The following STIL variants were observed in gnomAD, a reference collection of about 807,000 sequenced individuals.
The protein encoded by STIL is STIL centriolar assembly protein.
A neutral mutation model predicts 110.1 loss-of-function variants in STIL; 55 were observed. The observed-to-expected ratio is 0.50, with a 90% CI of 0.40 to 0.63. The LOEUF (loss-of-function observed/expected upper bound fraction) is 0.63. Ranked by LOEUF, STIL falls within the 20% of genes least tolerant of loss-of-function variation. The probability of loss-of-function intolerance (pLI) is 0.00; values close to 1 mark genes in which losing one functional copy is unlikely to be tolerated. For synonymous variants in STIL, 481 were observed against 530.0 expected, an observed-to-expected ratio of 0.91 and a Z score of 1.27; for missense variants, 1,358 against 1,530.0, an observed-to-expected ratio of 0.89 and a Z score of 1.87.
Position 47,251,288 on chromosome 1 carries a change from T to C in STIL, c.3715A>G (p.Thr1239Ala), listed in dbSNP as rs1444302217. The change falls in exon 17 of 17, where the codon ACT becomes GCT. Residue 1239 changes from threonine to alanine, a missense_variant. Coordinates refer to ENST00000371877, the MANE Select transcript of STIL (RefSeq NM_001048166.1). The stretch of plus-strand genomic sequence containing the variant: ...TCATTTTCTTTCTCAGGATGTTGAG[T>C]GAACTCTGCTTTCCCGGTTCGAAGG... ...VNLRTGKAEFTQHPEKENEGD... is the reference protein window; with the variant it reads ...VNLRTGKAEFAQHPEKENEGD... 1 of 1,613,348 alleles carries C rather than the reference T, an allele frequency of 6.2e-7. No individual in the cohort carries two copies. The highest frequency in any genetic ancestry group is 8.5e-7 in the Non-Finnish European group (1 of 1,179,438).
intron 5 of STIL, 60 bp downstream of exon 5, chr1:47,301,501 A>C: frequency 6.9e-7 from 1 of 1,445,514 alleles, no homozygotes; most frequent in Non-Finnish European, 9.7e-7. Context: ...AAAATACAGC[A>C]TACTAAACAT....
At chr1:47,256,620 CAAA>C (rs35642855) in intron 16 of STIL, among the ~76,000 whole-genome samples, 1 of 86,052 alleles carries the variant, frequency 1.2e-5, no homozygotes. Flanking sequence ...GACTCCATCT[CAAA>C]AAAAAAAAAA....
chr1:47,258,256 A>C (rs1444622415), intron 16 of STIL, among the ~76,000 whole-genome samples: 1 of 152,218 alleles, frequency 6.6e-6, no homozygotes, highest in African/African-American at 2.4e-5. Flanking sequence ...ATTGGTAGGA[A>C]TATAAACTGG....
At position 47,260,474 on chromosome 1, in the gene STIL, T is replaced by A; in HGVS notation, c.2895A>T (p.Val965=). ...TTCTGGTGCATTCATGACTGATAAT[T>A]ACTGCTTTGGTAGACGGCTGCTCAG... ...KETEQPSTKA[V]IISHECTRTQ... is the part of the protein sequence containing the mutation. The change falls in exon 16 of 17, where the codon GTA becomes GTT. Residue 965 remains valine (V), a synonymous_variant. Coordinates refer to ENST00000371877, the MANE Select transcript of STIL (RefSeq NM_001048166.1). 6.2e-7 allele frequency: 1 copy of A among 1,614,182 alleles called. No homozygotes were observed. Among genetic ancestry groups the A allele is most frequent in the Non-Finnish European group, 8.5e-7 (1 of 1,180,018 alleles).
At chr1:47,263,194 G>T in intron 14 of STIL, 78 bp from the exon 15 acceptor site, 1 of 1,332,070 alleles carries the variant, frequency 7.5e-7, no homozygotes, top group Non-Finnish European at 1.1e-6. Flanking sequence ...TAGAAAAAAG[G>T]GTTAAGACTC....
chr1:47,250,391 A>G lies in STIL; in HGVS notation c.*745T>C, dbSNP rs1009538504. The G allele has an allele frequency of 5.8e-6, 1 of 173,072 alleles. No individual in the cohort carries two copies. Among genetic ancestry groups the G allele is most frequent in the Non-Finnish European group, 1.3e-5 (1 of 79,862 alleles). 10.7% of individuals were successfully genotyped at this position (173,072 alleles called of 1,614,324 possible). ...TATAAAAGAGTGTAAGTTTTTATTA[A>G]GTTGTTTTTAAAAATAACTTTTCCC... On this transcript the variant is annotated 3_prime_UTR_variant, in exon 17 of 17. Transcript: ENST00000371877.
intron 11 of STIL, among the ~76,000 whole-genome samples, chr1:47,281,529 T>C (rs1645158708): frequency 6.6e-6 from 1 of 152,164 alleles, no homozygotes; most frequent in South Asian, 2.1e-4. Flanking sequence ...GAAACTGTTT[T>C]ATATAACTTT....
At chr1:47,271,558 CAAAAAAA>C (rs35926663) in intron 13 of STIL, among the ~76,000 whole-genome samples, 1 of 85,622 alleles carries the variant, frequency 1.2e-5, no homozygotes, top group South Asian at 3.7e-4. Context: ...GACTCCGTCT[CAAAAAAA>C]AAAAAAAAAA....
chr1:47,297,728 C>G (rs1164494681), intron 6 of STIL, among the ~76,000 whole-genome samples: 1 of 151,960 alleles, frequency 6.6e-6, no homozygotes, highest in African/African-American at 2.4e-5. Flanking sequence ...GCTGGGATTA[C>G]AGGTGTGTGT....
chr1:47,310,458 A>G (rs1274466344), intron 1 of STIL, 96 bp from the exon 2 acceptor site: 3 of 721,380 alleles, frequency 4.2e-6, no homozygotes, highest in Non-Finnish European at 4.6e-6. Flanking sequence ...AAATTAGATT[A>G]CTTATATGAA....
chr1:47,284,849 C>T (rs1368266497), intron 10 of STIL, among the ~76,000 whole-genome samples: 1 of 151,388 alleles, frequency 6.6e-6, no homozygotes, highest in Admixed American at 6.6e-5. Context: ...GAGATCACAC[C>T]ACTGTACTCC....
In STIL at chr1:47,302,479, G is replaced by T; in HGVS notation, c.153-133C>A. On this transcript the variant is annotated intron_variant, in intron 3 of 16. Coordinates refer to ENST00000371877, the MANE Select transcript of STIL (RefSeq NM_001048166.1). ...GAAAGATCATTGTCAGGAAATCCCA[G>T]GGTCAAAGGCAGGGGATACGGAGGG... 2 of 773,592 alleles carry T rather than the reference G, an allele frequency of 2.6e-6. 1 individual carries two copies. The highest frequency in any genetic ancestry group is 3.0e-5 in the South Asian group (2 of 65,646). The allele number at this position is 773,592 out of a possible 1,614,324, so 47.9% of individuals were successfully genotyped here. A position where few individuals can be genotyped will look rare whatever the true frequency, so the allele number is the denominator to read the frequency against.
At position 47,251,588 on chromosome 1, in the gene STIL, C is replaced by T; in HGVS notation, c.3415G>A (p.Glu1139Lys). ...TCTGCATTGTCGGGAGGTTCCTCTT[C>T]ATCTTCACTATTGTCACTGCTTTGT... ...LLQSSDNSED[E>K]EEPPDNADSK... Residue 1139 changes from glutamate to lysine, a missense_variant, in exon 17 of 17, where the codon GAA becomes AAA. Physicochemically the swap from Glu to Lys is moderately conservative, Grantham distance 56 (BLOSUM62 1). Coordinates refer to ENST00000371877, the MANE Select transcript of STIL (RefSeq NM_001048166.1). The T allele has an allele frequency of 6.2e-7, 1 of 1,613,792 alleles. No individual in the cohort carries two copies. The highest frequency in any genetic ancestry group is 8.5e-7 in the Non-Finnish European group (1 of 1,179,836).
intron 14 of STIL, among the ~76,000 whole-genome samples, chr1:47,263,665 T>C (rs1644546622): frequency 6.6e-6 from 1 of 152,120 alleles, no homozygotes; most frequent in Non-Finnish European, 1.5e-5. Flanking sequence ...AAACAAGCTG[T>C]TGATTTCTCC....
chr1:47,314,123 C>G lies in STIL; in HGVS notation c.-131G>C, dbSNP rs1183412662. The G allele has an allele frequency of 6.6e-6, 1 of 152,308 alleles. No individual in the cohort carries two copies. The highest frequency in any genetic ancestry group is 1.5e-5 in the Non-Finnish European group (1 of 68,082). 9.4% of individuals were successfully genotyped at this position (152,308 alleles called of 1,614,324 possible). On this transcript the variant is annotated 5_prime_UTR_variant, in exon 1 of 17. Transcript: ENST00000371877. Reference sequence around the variant, plus strand: ...GCCACCGCCGACTCCGGCCCCGCCTCTGGGACGTTGGGGTCGCGGGAACTG... The same window carrying G: ...GCCACCGCCGACTCCGGCCCCGCCTGTGGGACGTTGGGGTCGCGGGAACTG...
In STIL at chr1:47,280,759, G is replaced by A. The variant is rs778747630; in HGVS notation, c.1699C>T (p.Pro567Ser). ...ACAAAATCGTGTGGTTGGGACTGCG[G>A]GGCAAGAGAAGACTGCCTAGAATTA... is the stretch of plus-strand genomic sequence containing the variant. The part of the protein sequence containing the change: ...TLNSRQSSLA[P>S]QSQPHDFVFS... The change falls in exon 12 of 17, where the codon CCG (proline) becomes TCG (serine). Residue 567 changes from proline (P) to serine (S), a missense_variant. Transcript: ENST00000371877. 30 of 1,613,916 alleles carry A rather than the reference G, an allele frequency of 1.9e-5. No individual in the cohort carries two copies. The highest frequency in any genetic ancestry group is 2.4e-5 in the Non-Finnish European group (28 of 1,179,868).
Position 47,263,103 on chromosome 1 carries a change from C to T in STIL, c.2629G>A (p.Val877Ile), listed in dbSNP as rs1644531684. The change falls in exon 15 of 17, where the codon GTT (valine) becomes ATT (isoleucine). Residue 877 changes from valine to isoleucine, a missense_variant. By Grantham distance (29) the Val-to-Ile change is conservative (BLOSUM62 3). Coordinates refer to ENST00000371877, the MANE Select transcript of STIL (RefSeq NM_001048166.1). ...GGTACATCAGGTTCTTTTCTCACAA[C>T]TAGAGAAGAGCTGCTGGGAAGGATA... ...PLSVSNSSSLVVRKEPDVPVF... is the reference protein window; with the variant it reads ...PLSVSNSSSLIVRKEPDVPVF... 11 of 1,614,020 alleles carry T rather than the reference C, an allele frequency of 6.8e-6. No individual in the cohort carries two copies. Among genetic ancestry groups the T allele is most frequent in the African/African-American group, 1.3e-5 (1 of 75,032 alleles).
Position 47,250,679 on chromosome 1 carries a change from G to A in STIL, c.*457C>T, listed in dbSNP as rs954036219. 5 of 167,238 alleles carry A rather than the reference G, an allele frequency of 3.0e-5. No homozygotes were observed. Among genetic ancestry groups the A allele is most frequent in the Non-Finnish European group, 6.5e-5 (5 of 76,976 alleles). The allele number at this position is 167,238 out of a possible 1,614,324, so 10.4% of individuals were successfully genotyped here. Reference sequence around the variant, plus strand: ...ACTAAAAATACAAAATTAGCCAGGCGTTGTGGCACATGCCTGTAATCCCAG... The same window carrying A: ...ACTAAAAATACAAAATTAGCCAGGCATTGTGGCACATGCCTGTAATCCCAG... On this transcript the variant is annotated 3_prime_UTR_variant, in exon 17 of 17. Transcript: ENST00000371877.
Position 47,301,621 on chromosome 1 carries a change from T to G in STIL, c.393A>C (p.Gln131His). 1 of 1,614,018 alleles carries G rather than the reference T, an allele frequency of 6.2e-7. No homozygotes were observed. Among genetic ancestry groups the G allele is most frequent in the Non-Finnish European group, 8.5e-7 (1 of 1,179,992 alleles). Residue 131 changes from glutamine to histidine, a missense_variant, in exon 5 of 17, where the codon CAA (glutamine) becomes CAC (histidine). Physicochemically the swap from Gln to His is conservative, Grantham distance 24. Transcript: ENST00000371877. ...DFLIPCKVHT[Q>H]ELCSREMIVH... is the part of the protein sequence containing the mutation. Reference sequence around the variant, plus strand: ...CTATCATTTCTCTTGAACAAAGTTCTTGAGTATGAACTTTGCATGGAATCA... The same window carrying G: ...CTATCATTTCTCTTGAACAAAGTTCGTGAGTATGAACTTTGCATGGAATCA...
Sources: allele counts gnomAD v4.1 joint callset (sites outside exome capture counted in the v4.1 genomes callset), GRCh38; gene constraint gnomAD v4.1.1; transcripts MANE v1.5; gene names NCBI Gene and HGNC (gene_info 2026-07-23, HGNC 2026-07-21).